The following DPP3 variants were observed in gnomAD, a reference collection of about 807,000 sequenced individuals.
DPP3 encodes the protein DPP III.
Under a neutral mutation model 89.8 loss-of-function variants are expected in DPP3, and 64 were observed. The observed-to-expected ratio is 0.71, with a 90% confidence interval of 0.58 to 0.88. DPP3 has a LOEUF of 0.88. Among genes scored for constraint, DPP3 ranks in the 40% least tolerant of loss-of-function variants. DPP3 has a pLI of 0.00. For missense variants in DPP3, 835 were observed against 972.5 expected (o/e 0.86, Z 1.88); for synonymous variants, 377 against 404.3 (o/e 0.93, Z 0.81).
chr11:66,501,641 A>G (rs756548726), intron 16 of DPP3, among the ~76,000 whole-genome samples: 5 of 151,528 alleles, frequency 3.3e-5, no homozygotes, highest in Non-Finnish European at 5.9e-5. Flanking sequence ...CCTGTCCAAC[A>G]TGGTGAAACC....
At chr11:66,504,850 C>T in intron 17 of DPP3, 76 bp downstream of exon 17, 1 of 1,457,292 alleles carries the variant, frequency 6.9e-7, no homozygotes, top group Non-Finnish European at 9.2e-7. Flanking sequence ...CAGTAAGAAC[C>T]CATCCCAGGG....
rs1855103441 is a variant in DPP3, at chr11:66,482,198, C to A, written c.-3C>A. The A allele has an allele frequency of 6.2e-7, 1 of 1,613,976 alleles. No individual in the cohort carries two copies. The highest frequency in any genetic ancestry group is 8.5e-7 in the Non-Finnish European group (1 of 1,179,918). On this transcript the variant is annotated 5_prime_UTR_variant, in exon 2 of 18. Coordinates refer to ENST00000531863, the MANE Select transcript of DPP3 (RefSeq NM_130443.4). ...ATGACAGTGATGGTTCTCAGCAGGG[C>A]CCATGGCGGACACCCAGTACATCCT...
In DPP3 at chr11:66,509,362, T is replaced by TG; in HGVS notation, c.*113dup. ...GGGGGAGGGGCAGGAGCTTGGACCTTGGTACTACCTCAGCTGAGGGTGGTG... is the reference window on the plus strand; with the variant it reads ...GGGGGAGGGGCAGGAGCTTGGACCTTGGGTACTACCTCAGCTGAGGGTGGTG... On this transcript the variant is annotated 3_prime_UTR_variant, in exon 18 of 18. Transcript: ENST00000531863. 6.5e-7 allele frequency: 1 copy of TG among 1,542,618 alleles called. No homozygotes were observed. Among genetic ancestry groups the TG allele is most frequent in the Non-Finnish European group, 8.7e-7 (1 of 1,146,818 alleles).
At chr11:66,489,032 A>G (rs1275376826) in intron 6 of DPP3, among the ~76,000 whole-genome samples, 1 of 152,066 alleles carries the variant, frequency 6.6e-6, no homozygotes, top group Non-Finnish European at 1.5e-5. Context: ...TACCTGGCTA[A>G]TTTTTGTATT....
chr11:66,509,013 T>G lies in DPP3; in HGVS notation c.2042-66T>G, dbSNP rs149095275. On this transcript the variant is annotated intron_variant, in intron 17 of 17. Transcript: ENST00000531863. ...CTGCTGTAATTGTGATTATTAAGATTTTTATGATGATTCAGTTTCCCTATT... is the reference window on the plus strand; with the variant it reads ...CTGCTGTAATTGTGATTATTAAGATGTTTATGATGATTCAGTTTCCCTATT... The G allele has an allele frequency of 8.3e-5, 130 of 1,565,104 alleles. No homozygotes were observed. The East Asian group carries it at 2.8e-3, about 33-fold the overall frequency.
At chr11:66,481,320 C>T (rs1855072950) in intron 1 of DPP3, among the ~76,000 whole-genome samples, 1 of 152,156 alleles carries the variant, frequency 6.6e-6, no homozygotes, top group African/African-American at 2.4e-5. Context: ...GAGACCCCGT[C>T]TCTATCAAAA....
intron 1 of DPP3, chr11:66,480,776 A>G (rs1855054972): frequency 1.6e-5 from 5 of 317,584 alleles, no homozygotes. Context: ...CCGGGTTCCA[A>G]CGGGGCTGTC....
Position 66,493,650 on chromosome 11 carries a change from C to T in DPP3, c.1389+17C>T. 2 of 1,596,632 alleles carry T rather than the reference C, an allele frequency of 1.3e-6. No individual in the cohort carries two copies. Among genetic ancestry groups the T allele is most frequent in the Non-Finnish European group, 1.7e-6 (2 of 1,172,982 alleles). ...TTCGTACAGGTGAGAAGGCAGTGGC[C>T]AGCCCTGGCACCCCAGCCTACAGCT... On this transcript the variant is annotated intron_variant, in intron 12 of 17. Coordinates refer to ENST00000531863, the MANE Select transcript of DPP3 (RefSeq NM_130443.4).
Position 66,482,391 on chromosome 11 carries a change from GCCGCCTCTT to G in DPP3, c.196_204del (p.Leu66_Arg68del). The G allele has an allele frequency of 1.2e-6, 2 of 1,611,538 alleles. No homozygotes were observed. The highest frequency in any genetic ancestry group is 8.5e-7 in the Non-Finnish European group (1 of 1,180,024). On this transcript the variant is annotated inframe_deletion, in exon 2 of 18. Transcript: ENST00000531863. ...GCCCCCTACATCTATGCTCTGCTCA[GCCGCCTCTT>G]CCGCGCCCAGGACCCCGACCAGCTG... is the stretch of plus-strand genomic sequence containing the variant.
intron 16 of DPP3, among the ~76,000 whole-genome samples, 178 bp from the exon 17 acceptor site, chr11:66,504,434 C>G (rs567441157): frequency 6.6e-6 from 1 of 152,188 alleles, no homozygotes; most frequent in South Asian, 2.1e-4. Context: ...GAGGAAGGAG[C>G]CTTAATGGTT....
chr11:66,485,334 G>T, intron 3 of DPP3, 72 bp downstream of exon 3: 1 of 1,460,952 alleles, frequency 6.8e-7, no homozygotes, highest in Non-Finnish European at 9.4e-7. Context: ...TGCAGTAGAA[G>T]GAGCCCCAAC....
Position 66,495,241 on chromosome 11 carries a change from A to G in DPP3, c.1425A>G (p.Thr475=), listed in dbSNP as rs1565272086. ...EKGAFNFDQE[T]VINPETGEQI... ...GAGCATTCAACTTTGACCAGGAAAC[A>G]GTGATCAACCCAGAGACGGGCGAGC... The change falls in exon 13 of 18, where the codon ACA becomes ACG. Residue 475 remains threonine (T), a synonymous_variant. Transcript: ENST00000531863. 1 of 1,612,846 alleles carries G rather than the reference A, an allele frequency of 6.2e-7. No homozygotes were observed. Among genetic ancestry groups the G allele is most frequent in the South Asian group, 1.1e-5 (1 of 91,020 alleles).
intron 17 of DPP3, among the ~76,000 whole-genome samples, chr11:66,506,801 C>T (rs188836045): frequency 1.0e-3 from 152 of 152,206 alleles, no homozygotes; most frequent in African/African-American, 3.4e-3. Context: ...TCTTTTTGTC[C>T]TTCCGCTCCT....
chr11:66,508,447 C>G lies in DPP3; in HGVS notation c.2042-632C>G, dbSNP rs540276450. Among the ~76,000 whole-genome samples, 5 of 152,320 alleles carry G rather than the reference C, an allele frequency of 3.3e-5. No homozygotes were observed. In the East Asian group the frequency reaches 9.6e-4, roughly 29 times the overall value. On this transcript the variant is annotated intron_variant, in intron 17 of 17. Transcript: ENST00000531863. ...CCACAGTAGACAGATGAAGTCGTTG[C>G]TGAATTGTGAGCTTCAGGACACCAA...
chr11:66,499,392 G>A (rs1168065460), intron 16 of DPP3, among the ~76,000 whole-genome samples: 3 of 152,088 alleles, frequency 2.0e-5, no homozygotes, highest in Non-Finnish European at 2.9e-5. Context: ...CACTAGGATA[G>A]GATATTTATA....
intron 9 of DPP3, among the ~76,000 whole-genome samples, chr11:66,491,997 G>A (rs1392909658): frequency 6.6e-6 from 1 of 152,228 alleles, no homozygotes; most frequent in Non-Finnish European, 1.5e-5. Flanking sequence ...GCAGATGTGA[G>A]CACTGGGGCA....
chr11:66,491,671 C>G (rs1565269834), intron 8 of DPP3, 27 bp from the exon 9 acceptor site: 1 of 1,611,214 alleles, frequency 6.2e-7, no homozygotes, highest in Non-Finnish European at 8.5e-7. Context: ...CCTGCCCCTC[C>G]TCCACCTCTG....
intron 12 of DPP3, among the ~76,000 whole-genome samples, chr11:66,494,402 G>A (rs377589221): frequency 8.5e-5 from 13 of 152,310 alleles, no homozygotes; most frequent in Admixed American, 3.3e-4. Flanking sequence ...AGGAGGATGC[G>A]CAGAACAGCT....
Position 66,493,076 on chromosome 11 carries a change from T to G in DPP3, c.1193T>G (p.Leu398Arg). 6.2e-7 allele frequency: 1 copy of G among 1,614,168 alleles called. No homozygotes were observed. Among genetic ancestry groups the G allele is most frequent in the African/African-American group, 1.3e-5 (1 of 75,066 alleles). The change falls in exon 11 of 18, where the codon CTG (leucine) becomes CGG (arginine). Residue 398 changes from leucine (L) to arginine (R), a missense_variant. Physicochemically the swap from Leu to Arg is moderately radical, Grantham distance 102. Coordinates refer to ENST00000531863, the MANE Select transcript of DPP3 (RefSeq NM_130443.4). Reference sequence around the variant, plus strand: ...TCTCCACCTTCTCCAGACGATGATCTGAGGCAGACGGAAGGCTTTAAGAAC... The same window carrying G: ...TCTCCACCTTCTCCAGACGATGATCGGAGGCAGACGGAAGGCTTTAAGAAC... ...AGINIPNYDD[L>R]RQTEGFKNVS...
Sources: allele counts gnomAD v4.1 joint callset (sites outside exome capture counted in the v4.1 genomes callset), GRCh38; gene constraint gnomAD v4.1.1; transcripts MANE v1.5; gene names NCBI Gene and HGNC (gene_info 2026-07-23, HGNC 2026-07-21).